PIK3C2G: variants seen among roughly 807,000 people sequenced by gnomAD.
PIK3C2G encodes phosphatidylinositol 3-kinase C2 domain-containing subunit gamma.
Under a neutral mutation model 181.1 loss-of-function variants are expected in PIK3C2G, and 168 were observed. The ratio of observed to expected loss-of-function variants is 0.93; its 90% CI spans 0.82 to 1.05. The LOEUF is 1.05. Ranked by LOEUF, PIK3C2G falls within the 50% of genes least tolerant of loss-of-function variation. PIK3C2G has a pLI of 0.00. For missense variants in PIK3C2G, 1,869 were observed against 1,732.8 expected, an observed-to-expected ratio of 1.08 and a Z score of -1.40; for synonymous variants, 573 against 592.2, an observed-to-expected ratio of 0.97 and a Z score of 0.47.
intron 5 of PIK3C2G, among the ~76,000 whole-genome samples, chr12:18,310,063 GA>G (rs1950576853): frequency 6.6e-6 from 1 of 151,772 alleles, no homozygotes; most frequent in Non-Finnish European, 1.5e-5. Context: ...ATTTTTAAAA[GA>G]TAATTAATAA....
chr12:18,622,783 G>A (rs1010659991), intron 31 of PIK3C2G, among the ~76,000 whole-genome samples: 5 of 151,710 alleles, frequency 3.3e-5, no homozygotes, highest in African/African-American at 1.2e-4. Context: ...TGATTTTAAT[G>A]CATCTGCCTA....
At chr12:18,446,287 G>A (rs7957903) in intron 18 of PIK3C2G, among the ~76,000 whole-genome samples, 23,475 of 151,986 alleles carry the variant, frequency 0.15, 2,147 homozygotes, top group African/African-American at 0.25. Context: ...GTTCACCTCC[G>A]TGGACAACAT....
intron 19 of PIK3C2G, among the ~76,000 whole-genome samples, chr12:18,489,056 T>C (rs1163968730): frequency 6.6e-6 from 1 of 152,116 alleles, no homozygotes; most frequent in East Asian, 1.9e-4. Flanking sequence ...TCAATGGCCT[T>C]AAGAACAGTA....
chr12:18,687,608 T>G, the PIK3C2G span, among the ~76,000 whole-genome samples: 3 of 152,156 alleles, frequency 2.0e-5, no homozygotes, highest in Non-Finnish European at 2.9e-5. Flanking sequence ...CAAAAATGAC[T>G]GAATTATCCA....
intron 18 of PIK3C2G, among the ~76,000 whole-genome samples, chr12:18,484,355 G>A (rs1939839849): frequency 2.0e-5 from 3 of 151,998 alleles, no homozygotes. Flanking sequence ...ATTATGGTAG[G>A]GGTATAAACC....
intron 14 of PIK3C2G, among the ~76,000 whole-genome samples, chr12:18,388,706 A>G (rs1339379692): frequency 6.6e-6 from 1 of 152,206 alleles, no homozygotes; most frequent in Non-Finnish European, 1.5e-5. Context: ...GACGCTAGGG[A>G]CATTCACAAC....
At chr12:18,680,321 C>T in the PIK3C2G span, among the ~76,000 whole-genome samples, 1 of 152,022 alleles carries the variant, frequency 6.6e-6, no homozygotes, top group African/African-American at 2.4e-5. Flanking sequence ...TTGACTAGAA[C>T]TCCTAGAGGC....
chr12:18,599,482 A>G (rs1445822301), intron 30 of PIK3C2G, among the ~76,000 whole-genome samples: 1 of 142,608 alleles, frequency 7.0e-6, no homozygotes, highest in African/African-American at 2.6e-5. Context: ...GGAACATCAC[A>G]CTCTGGGGAC....
In PIK3C2G at chr12:18,405,056, G is replaced by A. The variant is rs76213845; in HGVS notation, c.2315+5209G>A. Among the ~76,000 whole-genome samples, 216 of 152,258 alleles carry A rather than the reference G, an allele frequency of 1.4e-3. 3 individuals are homozygous for A. In the East Asian group the frequency reaches 0.039, roughly 28 times the overall value. On this transcript the variant is annotated intron_variant, in intron 16 of 32. Transcript: ENST00000538779. ...AAATAAGGAAGACTTTAAGCTTTCAGACCTGGGAAACTTGATAGATAATTG... is the reference window on the plus strand; with the variant it reads ...AAATAAGGAAGACTTTAAGCTTTCAAACCTGGGAAACTTGATAGATAATTG...
intron 31 of PIK3C2G, among the ~76,000 whole-genome samples, chr12:18,627,205 C>T (rs74071244): frequency 0.048 from 7,241 of 151,996 alleles, 578 homozygotes; most frequent in African/African-American, 0.17. Flanking sequence ...TTCTTCTTCT[C>T]TATGATTTAT....
At chr12:18,560,468 C>T (rs115993031) in intron 26 of PIK3C2G, among the ~76,000 whole-genome samples, 5,638 of 151,914 alleles carry the variant, frequency 0.037, 222 homozygotes, top group African/African-American at 0.099. Flanking sequence ...AAGGAAGTGA[C>T]TGAACCCAAG....
At chr12:18,305,372 A>G (rs1950377289) in intron 5 of PIK3C2G, among the ~76,000 whole-genome samples, 1 of 152,168 alleles carries the variant, frequency 6.6e-6, no homozygotes, top group African/African-American at 2.4e-5. Context: ...AGCATCATTA[A>G]CTAATAAACT....
intron 12 of PIK3C2G, among the ~76,000 whole-genome samples, chr12:18,367,348 C>T (rs1029523701): frequency 4.6e-5 from 7 of 151,968 alleles, no homozygotes; most frequent in Non-Finnish European, 7.4e-5. Context: ...AAAGAGAGGA[C>T]GTTTAGTTTT....
chr12:18,319,799 A>C (rs1265962111), intron 6 of PIK3C2G, among the ~76,000 whole-genome samples: 4 of 152,008 alleles, frequency 2.6e-5, no homozygotes, highest in Admixed American at 2.0e-4. Context: ...TTTCATGACT[A>C]CAGTTTAGCT....
intron 14 of PIK3C2G, among the ~76,000 whole-genome samples, chr12:18,388,477 G>T (rs555502581): frequency 2.7e-4 from 41 of 152,250 alleles, no homozygotes; most frequent in Non-Finnish European, 5.9e-4. Flanking sequence ...GTTTCACCAT[G>T]TTGGCCAGGC....
chr12:18,616,262 G>A (rs1322878388), intron 31 of PIK3C2G, among the ~76,000 whole-genome samples: 1 of 152,040 alleles, frequency 6.6e-6, no homozygotes, highest in Non-Finnish European at 1.5e-5. Context: ...AATTCGCTGA[G>A]TATAAAAAAC....
At position 18,344,084 on chromosome 12, in the gene PIK3C2G, A is replaced by G. The variant is rs1244660472; in HGVS notation, c.1429+724A>G. On this transcript the variant is annotated intron_variant, in intron 10 of 32. Coordinates refer to ENST00000538779, the MANE Select transcript of PIK3C2G (RefSeq NM_001288772.2). The stretch of plus-strand genomic sequence containing the variant: ...CGTTATAGTAATATGCATAAACAAT[A>G]TAATAGGATTTAATGTGCAGGATCT... Among the ~76,000 whole-genome samples, 7 of 152,274 alleles carry G rather than the reference A, an allele frequency of 4.6e-5. No homozygotes were observed. The East Asian group carries it at 1.4e-3, about 29-fold the overall frequency.
At position 18,640,485 on chromosome 12, in the gene PIK3C2G, T is replaced by A; in HGVS notation, c.4239T>A (p.Tyr1413Ter). ...ATGTTGAATTTTATCTTTTACCATATCCCAGTGAAGTTCGTAGGAGGAAAA... is the reference window on the plus strand; with the variant it reads ...ATGTTGAATTTTATCTTTTACCATAACCCAGTGAAGTTCGTAGGAGGAAAA... ...SAHVEFYLLP[Y>*]PSEVRRRKTK... The change falls in exon 32 of 33, where the codon TAT (tyrosine) becomes TAA (stop). Residue 1413 changes from tyrosine (Y) to a stop codon, truncating the protein, a stop_gained. Transcript: ENST00000538779. LOFTEE classifies it high-confidence loss of function. 1 of 1,609,048 alleles carries A rather than the reference T, an allele frequency of 6.2e-7. No individual in the cohort carries two copies. The highest frequency in any genetic ancestry group is 2.2e-5 in the East Asian group (1 of 44,684).
At chr12:18,422,055 C>G (rs1040808724) in intron 17 of PIK3C2G, among the ~76,000 whole-genome samples, 1 of 152,010 alleles carries the variant, frequency 6.6e-6, no homozygotes, top group Non-Finnish European at 1.5e-5. Context: ...CTATTTCGAG[C>G]CCAATTCAGG....
Sources: gnomAD v4.1 joint callset for allele counts (sites outside exome capture counted in the v4.1 genomes callset) on GRCh38, gnomAD v4.1.1 for gene constraint, MANE v1.5 for transcripts, NCBI Gene and HGNC (gene_info 2026-07-23, HGNC 2026-07-21) for gene names.